Variants in GPHN observed in about 807,000 individuals in gnomAD.
The protein encoded by GPHN is gephyrin.
In GPHN, 17 loss-of-function variants were observed where a neutral mutation model predicts 95.5. The observed-to-expected ratio is 0.18, with a 90% confidence interval of 0.12 to 0.27. GPHN has a LOEUF of 0.27. GPHN is among the 10% of genes least tolerant of loss of function. GPHN has a pLI of 1.00. For missense variants in GPHN, 660 were observed against 978.1 expected (o/e 0.67, Z 4.34); for synonymous variants, 320 against 322.5 (o/e 0.99, Z 0.08).
chr14:66,592,426 G>T (rs879064724), intron 1 of GPHN, among the ~76,000 whole-genome samples: 1 of 147,764 alleles, frequency 6.8e-6, no homozygotes, highest in Non-Finnish European at 1.5e-5. Flanking sequence ...CCAATATCCA[G>T]AATCTAGAAG....
chr14:67,662,293 G>T, the GPHN span, among the ~76,000 whole-genome samples: 2 of 152,012 alleles, frequency 1.3e-5, no homozygotes, highest in South Asian at 2.1e-4. Context: ...GCATCTTCAG[G>T]CTTCACCCAT....
At chr14:66,726,517 A>T (rs922978492) in intron 2 of GPHN, among the ~76,000 whole-genome samples, 5 of 152,092 alleles carry the variant, frequency 3.3e-5, no homozygotes, top group Non-Finnish European at 7.4e-5. Context: ...TCTTCTAGGG[A>T]TGTTTAAGAT....
At chr14:67,123,007 C>T (rs1190493195) in intron 17 of GPHN, among the ~76,000 whole-genome samples, 1 of 152,220 alleles carries the variant, frequency 6.6e-6, no homozygotes, top group Non-Finnish European at 1.5e-5. Context: ...AGCAAGTCTA[C>T]ACTTTCTAAA....
At chr14:67,105,681 A>G (rs529441712) in intron 13 of GPHN, among the ~76,000 whole-genome samples, 2 of 152,230 alleles carry the variant, frequency 1.3e-5, no homozygotes, top group African/African-American at 2.4e-5. Flanking sequence ...ATTTGCATCA[A>G]ATATCTTGAT....
chr14:67,041,086 C>T (rs981536852), intron 10 of GPHN, among the ~76,000 whole-genome samples: 2 of 152,098 alleles, frequency 1.3e-5, no homozygotes, highest in African/African-American at 2.4e-5. Flanking sequence ...AATATTTCTT[C>T]ATGTAACAGC....
intron 3 of GPHN, among the ~76,000 whole-genome samples, chr14:66,779,133 C>T (rs536256902): frequency 3.3e-5 from 5 of 152,226 alleles, no homozygotes; most frequent in Admixed American, 1.3e-4. Flanking sequence ...ATATGATACA[C>T]TATTAGCTTC....
At chr14:66,665,426 A>G (rs980798950) in intron 1 of GPHN, among the ~76,000 whole-genome samples, 1 of 152,242 alleles carries the variant, frequency 6.6e-6, no homozygotes, top group Non-Finnish European at 1.5e-5. Flanking sequence ...AGCACCATCA[A>G]CAAGTGAGCG....
At chr14:66,588,391 T>C (rs188665805) in intron 1 of GPHN, among the ~76,000 whole-genome samples, 4 of 152,210 alleles carry the variant, frequency 2.6e-5, no homozygotes, top group Admixed American at 2.6e-4. Context: ...AGAATTAGTT[T>C]GATGAATTGA....
At chr14:67,404,125 T>A in the GPHN span, among the ~76,000 whole-genome samples, 6 of 152,044 alleles carry the variant, frequency 3.9e-5, no homozygotes, top group Non-Finnish European at 7.4e-5. Context: ...ACACTGCTTA[T>A]AATAATGAAA....
At chr14:67,694,056 T>C in the GPHN span, among the ~76,000 whole-genome samples, 8 of 152,328 alleles carry the variant, frequency 5.3e-5, no homozygotes, top group Middle Eastern at 3.4e-3. Flanking sequence ...TTCTTGGCAA[T>C]GTTGGGACTC....
intron 1 of GPHN, among the ~76,000 whole-genome samples, chr14:66,543,494 A>C (rs2059424788): frequency 6.6e-6 from 1 of 152,088 alleles, no homozygotes. Flanking sequence ...ACAACTCCTA[A>C]ATTTATGTAC....
chr14:67,730,995 A>T, the GPHN span, among the ~76,000 whole-genome samples: 3 of 152,196 alleles, frequency 2.0e-5, no homozygotes, highest in Admixed American at 2.0e-4. Context: ...GATAAAAGAT[A>T]TCTCATTTTT....
At chr14:67,266,671 C>T in the GPHN span, among the ~76,000 whole-genome samples, 3 of 152,056 alleles carry the variant, frequency 2.0e-5, no homozygotes, top group African/African-American at 7.2e-5. Flanking sequence ...TTGGACATAG[C>T]TAAGTTTCTT....
chr14:67,147,127 TG>T (rs1207189002), intron 18 of GPHN, among the ~76,000 whole-genome samples: 2 of 152,244 alleles, frequency 1.3e-5, no homozygotes, highest in Admixed American at 6.5e-5. Flanking sequence ...ACATCATTCT[TG>T]TTCTGCTAAA....
chr14:66,714,112 T>G (rs750880642), intron 2 of GPHN, among the ~76,000 whole-genome samples: 16 of 152,016 alleles, frequency 1.1e-4, no homozygotes, highest in Non-Finnish European at 2.1e-4. Flanking sequence ...CATCCACGAG[T>G]GTGGGATGTA....
the GPHN span, among the ~76,000 whole-genome samples, chr14:67,261,409 A>T: frequency 3.4e-4 from 52 of 152,284 alleles, 2 homozygotes; most frequent in South Asian, 0.011. Flanking sequence ...GGTAGAATTG[A>T]TGGGAGTTGG....
chr14:67,631,241 A>C, the GPHN span, among the ~76,000 whole-genome samples: 1 of 152,162 alleles, frequency 6.6e-6, no homozygotes, highest in Admixed American at 6.5e-5. Flanking sequence ...GCTTGTTATA[A>C]TGTGGCTTCG....
intron 9 of GPHN, among the ~76,000 whole-genome samples, chr14:67,003,842 C>A (rs1192189231): frequency 6.6e-6 from 1 of 151,576 alleles, no homozygotes; most frequent in Non-Finnish European, 1.5e-5. Context: ...TTCTTCATAT[C>A]TTGTAAACAA....
At position 67,181,580 on chromosome 14, in the gene GPHN, G is replaced by T; in HGVS notation, c.*643G>T. ...TGAAGAAACAAACTGAAGAAAAAAT[G>T]CTTCCTTAAGTGCTGACAGCCTTTT... On this transcript the variant is annotated 3_prime_UTR_variant, in exon 23 of 23. Coordinates refer to ENST00000478722, the MANE Select transcript of GPHN (RefSeq NM_020806.5). 4.5e-6 allele frequency: 2 copies of T among 441,054 alleles called. No homozygotes were observed. Among genetic ancestry groups the T allele is most frequent in the Admixed American group, 3.3e-5 (1 of 30,530 alleles). 27.3% of individuals were successfully genotyped at this position (441,054 alleles called of 1,614,324 possible). A position where few individuals can be genotyped will look rare whatever the true frequency, so the allele number is the denominator to read the frequency against.
Sources: allele counts gnomAD v4.1 joint callset (sites outside exome capture counted in the v4.1 genomes callset), GRCh38; gene constraint gnomAD v4.1.1; transcripts MANE v1.5; gene names NCBI Gene and HGNC (gene_info 2026-07-23, HGNC 2026-07-21).